Variants in ADAMTS17 observed in about 807,000 individuals in gnomAD.
ADAMTS17 encodes ADAM metallopeptidase with thrombospondin type 1 motif 17, also known as A disintegrin and metalloproteinase with thrombospondin motifs 17.
ADAMTS17 carries 113 observed loss-of-function variants against 141.5 expected under a neutral mutation model. The ratio of observed to expected loss-of-function variants is 0.80; its 90% CI spans 0.69 to 0.93. ADAMTS17 has a LOEUF of 0.93. ADAMTS17 is among the 40% of genes least tolerant of loss of function. ADAMTS17 has a pLI of 0.00. For missense variants in ADAMTS17, 1,659 were observed against 1,517.9 expected, an observed-to-expected ratio of 1.09 and a Z score of -1.54; for synonymous variants, 768 against 630.6, an observed-to-expected ratio of 1.22 and a Z score of -3.27.
chr15:100,127,659 G>A (rs1158620115), intron 12 of ADAMTS17, among the ~76,000 whole-genome samples: 2 of 152,224 alleles, frequency 1.3e-5, no homozygotes, highest in Admixed American at 6.5e-5. Flanking sequence ...GCAGCTCACT[G>A]CAAACTGCAC....
intron 8 of ADAMTS17, among the ~76,000 whole-genome samples, chr15:100,166,344 A>G (rs995885342): frequency 2.0e-5 from 3 of 152,154 alleles, no homozygotes; most frequent in African/African-American, 7.2e-5. Context: ...ATATACAGGC[A>G]ATTCTCATTT....
chr15:100,070,134 A>G (rs1026529000), intron 15 of ADAMTS17, among the ~76,000 whole-genome samples: 1 of 150,342 alleles, frequency 6.7e-6, no homozygotes, highest in Non-Finnish European at 1.5e-5. Context: ...AAAGATCAAA[A>G]GAGACAAAGA....
chr15:100,025,405 T>C (rs969566058), intron 18 of ADAMTS17, among the ~76,000 whole-genome samples: 1 of 146,432 alleles, frequency 6.8e-6, no homozygotes, highest in Non-Finnish European at 1.5e-5. Context: ...TTTTCTCTTC[T>C]TTTCTTTTCT....
At chr15:100,339,628 CATT>C (rs2046306319) in intron 2 of ADAMTS17, among the ~76,000 whole-genome samples, 1 of 134,354 alleles carries the variant, frequency 7.4e-6, no homozygotes, top group South Asian at 2.5e-4. Context: ...CCCAGGTCCA[CATT>C]CCCCGCCCCA....
intron 7 of ADAMTS17, among the ~76,000 whole-genome samples, chr15:100,237,825 T>C (rs2042706851): frequency 6.6e-6 from 1 of 152,144 alleles, no homozygotes; most frequent in Admixed American, 6.5e-5. Context: ...GGTTTCACGA[T>C]GTTGGCCAGG....
intron 8 of ADAMTS17, among the ~76,000 whole-genome samples, chr15:100,195,738 G>A (rs563178656): frequency 8.1e-4 from 122 of 151,420 alleles, no homozygotes; most frequent in Admixed American, 2.6e-3. Flanking sequence ...ATTGTCCTTG[G>A]TCAGCCAGCA....
chr15:100,336,160 G>A (rs1388127169), intron 2 of ADAMTS17, among the ~76,000 whole-genome samples: 4 of 152,192 alleles, frequency 2.6e-5, no homozygotes, highest in East Asian at 1.9e-4. Context: ...AAAATCTAAC[G>A]TGTGTCCTAG....
intron 7 of ADAMTS17, among the ~76,000 whole-genome samples, chr15:100,201,340 T>C (rs984196330): frequency 1.3e-5 from 2 of 148,166 alleles, no homozygotes; most frequent in African/African-American, 2.5e-5. Context: ...CCCTCCCCCC[T>C]CTCTCCTGCT....
At chr15:100,133,514 G>T (rs771438130) in intron 10 of ADAMTS17, among the ~76,000 whole-genome samples, 199 bp from the exon 11 acceptor site, 1 of 152,136 alleles carries the variant, frequency 6.6e-6, no homozygotes, top group African/African-American at 2.4e-5. Context: ...AAAATTCTGT[G>T]CATCTACTCC....
chr15:100,089,051 C>T (rs1223682906), intron 15 of ADAMTS17, among the ~76,000 whole-genome samples: 1 of 151,660 alleles, frequency 6.6e-6, no homozygotes, highest in African/African-American at 2.4e-5. Context: ...AGTGAACAGG[C>T]AACCTACAGA....
At chr15:99,992,179 TA>T (rs111589454) in intron 20 of ADAMTS17, among the ~76,000 whole-genome samples, 13,397 of 149,650 alleles carry the variant, frequency 0.09, 965 homozygotes, top group African/African-American at 0.2. Context: ...CCTCAGAACT[TA>T]AAAAAAAAAT....
At chr15:100,018,990 C>T (rs948348905) in intron 18 of ADAMTS17, among the ~76,000 whole-genome samples, 40 of 152,178 alleles carry the variant, frequency 2.6e-4, no homozygotes, top group African/African-American at 9.2e-4. Context: ...CAGTTTCTTA[C>T]ACATGTGCCC....
intron 15 of ADAMTS17, among the ~76,000 whole-genome samples, chr15:100,065,034 C>T (rs60395859): frequency 0.03 from 4,564 of 152,064 alleles, 244 homozygotes; most frequent in African/African-American, 0.1. Context: ...CATGGAAATA[C>T]CTATTTTGAG....
chr15:99,996,372 C>T (rs2060802266), intron 19 of ADAMTS17, among the ~76,000 whole-genome samples: 1 of 152,174 alleles, frequency 6.6e-6, no homozygotes, highest in Non-Finnish European at 1.5e-5. Context: ...GGGGACTGAA[C>T]ACCTGCCTCA....
chr15:100,278,711 C>A (rs2044185008), intron 4 of ADAMTS17, among the ~76,000 whole-genome samples: 1 of 152,170 alleles, frequency 6.6e-6, no homozygotes, highest in African/African-American at 2.4e-5. Flanking sequence ...AAATGGAAGA[C>A]AAAGTACCAG....
intron 6 of ADAMTS17, 72 bp downstream of exon 6, chr15:100,261,407 T>G: frequency 6.2e-7 from 1 of 1,604,656 alleles, no homozygotes; most frequent in Non-Finnish European, 8.5e-7. Flanking sequence ...CTTAACAACA[T>G]GCCTATTTCC....
intron 8 of ADAMTS17, 116 bp downstream of exon 8, chr15:100,199,202 G>T: frequency 1.0e-6 from 1 of 983,832 alleles, no homozygotes; most frequent in Non-Finnish European, 1.6e-6. Flanking sequence ...GTCCTTTATT[G>T]CAGATGCAGC....
chr15:100,076,984 G>A (rs1041920036), intron 15 of ADAMTS17, among the ~76,000 whole-genome samples: 2 of 151,556 alleles, frequency 1.3e-5, no homozygotes, highest in Non-Finnish European at 2.9e-5. Context: ...TGGACATTTA[G>A]GTTGTTTCAA....
In ADAMTS17 at chr15:100,281,271, C is replaced by A. The variant is rs1400785370; in HGVS notation, c.747G>T (p.Gly249=). The A allele has an allele frequency of 1.2e-6, 2 of 1,607,932 alleles. No individual in the cohort carries two copies. The highest frequency in any genetic ancestry group is 1.7e-6 in the Non-Finnish European group (2 of 1,179,996). The change falls in exon 4 of 22, where the codon GGG becomes GGT. Residue 249 remains glycine (G), a synonymous_variant. Coordinates refer to ENST00000268070, the MANE Select transcript of ADAMTS17 (RefSeq NM_139057.4). ...GGATGAACCTCTGGGCGGCCTCGGC[C>A]CCGTGGTACTGCACCATGTCGGCGT... ...VADADMVQYH[G]AEAAQRFILT... is the part of the protein sequence containing the mutation.
Sources: allele counts gnomAD v4.1 joint callset (sites outside exome capture counted in the v4.1 genomes callset), GRCh38; gene constraint gnomAD v4.1.1; transcripts MANE v1.5; gene names NCBI Gene and HGNC (gene_info 2026-07-23, HGNC 2026-07-21).